GLI2: variants seen among roughly 807,000 people sequenced by gnomAD.
The protein encoded by GLI2 is transcription activator GLI2.
A neutral mutation model predicts 78.9 loss-of-function variants in GLI2; 22 were observed. That is an observed-to-expected ratio of 0.28 (90% CI 0.20 to 0.40). The LOEUF (loss-of-function observed/expected upper bound fraction) is 0.40, where lower values mean the gene tolerates loss of function less well. Among genes scored for constraint, GLI2 ranks in the 10% least tolerant of loss-of-function variants. GLI2 has a pLI of 1.00. For synonymous variants in GLI2, 974 were observed against 963.7 expected, an observed-to-expected ratio of 1.01 and a Z score of -0.20; for missense variants, 2,097 against 2,213.2, an observed-to-expected ratio of 0.95 and a Z score of 1.05.
chr2:120,795,678 G>A (rs1014538542), intron 1 of GLI2, among the ~76,000 whole-genome samples: 4 of 152,164 alleles, frequency 2.6e-5, no homozygotes, highest in Admixed American at 2.0e-4. Flanking sequence ...CCTTCACACA[G>A]CTGCCCATAA....
At chr2:120,865,000 A>G (rs1018992850) in intron 2 of GLI2, among the ~76,000 whole-genome samples, 3 of 152,082 alleles carry the variant, frequency 2.0e-5, no homozygotes, top group Admixed American at 6.5e-5. Flanking sequence ...TTCTCTTCCA[A>G]CTCGGTAGTG....
At chr2:120,855,632 T>A (rs773469944) in intron 2 of GLI2, among the ~76,000 whole-genome samples, 1 of 152,246 alleles carries the variant, frequency 6.6e-6, no homozygotes, top group Non-Finnish European at 1.5e-5. Context: ...ATTGAGATGA[T>A]GAAACTACTG....
intron 4 of GLI2, among the ~76,000 whole-genome samples, 197 bp from the exon 5 acceptor site, chr2:120,955,048 A>G (rs1681175203): frequency 6.6e-6 from 1 of 151,388 alleles, no homozygotes; most frequent in African/African-American, 2.4e-5. Context: ...GCAACACCGC[A>G]GCTCGTGCTG....
chr2:120,822,751 C>T (rs892147913), intron 2 of GLI2, among the ~76,000 whole-genome samples: 4 of 152,206 alleles, frequency 2.6e-5, no homozygotes, highest in Admixed American at 6.5e-5. Context: ...CAATTAAGGA[C>T]GTTAAAATAC....
intron 2 of GLI2, among the ~76,000 whole-genome samples, chr2:120,846,440 C>T (rs1183747570): frequency 6.6e-6 from 1 of 152,218 alleles, no homozygotes; most frequent in Admixed American, 6.5e-5. Flanking sequence ...TCTAAGGGGG[C>T]TCTTCACAGC....
chr2:120,908,752 G>T (rs1298645210), intron 2 of GLI2, among the ~76,000 whole-genome samples: 1 of 152,238 alleles, frequency 6.6e-6, no homozygotes, highest in Non-Finnish European at 1.5e-5. Flanking sequence ...ACAGCTCCCA[G>T]CTCTAGCTTG....
chr2:120,747,755 C>T (rs180889612), intron 1 of GLI2, among the ~76,000 whole-genome samples: 13 of 152,346 alleles, frequency 8.5e-5, no homozygotes, highest in African/African-American at 3.1e-4. Flanking sequence ...CCTATTGACA[C>T]AACAGGACTC....
chr2:120,787,922 C>T (rs201817352), intron 1 of GLI2, among the ~76,000 whole-genome samples: 3 of 152,160 alleles, frequency 2.0e-5, no homozygotes, highest in East Asian at 3.9e-4. Context: ...ACTGTAGAGG[C>T]GCTGGCACCA....
At position 120,989,748 on chromosome 2, in the gene GLI2, G is replaced by A. The variant is rs1683194498; in HGVS notation, c.3783G>A (p.Gly1261=). Residue 1261 remains glycine, a synonymous_variant, in exon 14 of 14, where the codon GGG becomes GGA. Transcript: ENST00000361492. ...GCAGCAACATGCCAGCCAAGCCAGG[G>A]CATCTGGGGCACCCTCAGCAGACAG... ...QSCSNMPAKP[G]HLGHPQQTEV... The A allele has an allele frequency of 1.9e-6, 3 of 1,612,814 alleles. No individual in the cohort carries two copies. The highest frequency in any genetic ancestry group is 1.3e-5 in the African/African-American group (1 of 75,054).
intron 2 of GLI2, among the ~76,000 whole-genome samples, chr2:120,809,421 G>A (rs990607346): frequency 1.3e-5 from 2 of 152,224 alleles, no homozygotes; most frequent in African/African-American, 2.4e-5. Context: ...GGATGAAAAT[G>A]TTCTGTAATT....
At chr2:120,820,428 C>G (rs372907900) in intron 2 of GLI2, among the ~76,000 whole-genome samples, 1 of 152,162 alleles carries the variant, frequency 6.6e-6, no homozygotes, top group East Asian at 1.9e-4. Flanking sequence ...AGCATTAGTT[C>G]CCCCCTCTCC....
Position 120,988,998 on chromosome 2 carries a change from G to A in GLI2, c.3033G>A (p.Pro1011=), listed in dbSNP as rs1278756698. ...GLARGAYSPR[P]PSISENVAME... is the part of the protein sequence containing the mutation. The stretch of plus-strand genomic sequence containing the variant: ...CCCGCGGCGCCTACTCGCCCCGGCC[G>A]CCTAGCATCAGCGAGAACGTGGCGA... The change falls in exon 14 of 14, where the codon CCG becomes CCA. Residue 1011 remains proline (P), a synonymous_variant. Transcript: ENST00000361492. 7 of 1,592,740 alleles carry A rather than the reference G, an allele frequency of 4.4e-6. No homozygotes were observed. Among genetic ancestry groups the A allele is most frequent in the South Asian group, 2.2e-5 (2 of 89,994 alleles).
At chr2:120,770,996 G>T (rs971399532) in intron 1 of GLI2, among the ~76,000 whole-genome samples, 4 of 152,194 alleles carry the variant, frequency 2.6e-5, no homozygotes, top group Admixed American at 2.6e-4. Flanking sequence ...CCCAGGCCCA[G>T]ACTCACCAGG....
intron 2 of GLI2, among the ~76,000 whole-genome samples, chr2:120,812,880 G>A (rs553451948): frequency 6.6e-6 from 1 of 152,214 alleles, no homozygotes; most frequent in Non-Finnish European, 1.5e-5. Context: ...CATGGGGGAT[G>A]CTTCACAGCA....
intron 2 of GLI2, among the ~76,000 whole-genome samples, chr2:120,912,667 T>A (rs898768318): frequency 1.3e-5 from 2 of 152,190 alleles, no homozygotes; most frequent in African/African-American, 4.8e-5. Context: ...GCTTGCCCGG[T>A]GTTTCTCCAC....
intron 2 of GLI2, among the ~76,000 whole-genome samples, chr2:120,803,635 C>A (rs2104709715): frequency 6.6e-6 from 1 of 152,266 alleles, no homozygotes; most frequent in African/African-American, 2.4e-5. Flanking sequence ...AGGGCCTGTC[C>A]TGGGTGTCTG....
At chr2:120,968,219 A>C (rs1681952525) in intron 5 of GLI2, among the ~76,000 whole-genome samples, 2 of 152,226 alleles carry the variant, frequency 1.3e-5, no homozygotes, top group African/African-American at 4.8e-5. Flanking sequence ...AGGCAACAAG[A>C]AGCTGTGTGT....
At chr2:120,763,127 G>A (rs1310419167) in intron 1 of GLI2, among the ~76,000 whole-genome samples, 2 of 152,126 alleles carry the variant, frequency 1.3e-5, no homozygotes, top group Non-Finnish European at 2.9e-5. Flanking sequence ...ACTTAATCTT[G>A]GGTTCTCTGA....
At chr2:120,888,634 G>GT (rs542896105) in intron 2 of GLI2, among the ~76,000 whole-genome samples, 5 of 151,728 alleles carry the variant, frequency 3.3e-5, no homozygotes, top group East Asian at 1.9e-4. Flanking sequence ...AGATTGTTGA[G>GT]TTTTTTTTTA....
Sources: gnomAD v4.1 joint callset for allele counts (sites outside exome capture counted in the v4.1 genomes callset) on GRCh38, gnomAD v4.1.1 for gene constraint, MANE v1.5 for transcripts, NCBI Gene and HGNC (gene_info 2026-07-23, HGNC 2026-07-21) for gene names.